Variants in FAF1 observed in about 807,000 individuals in gnomAD.
FAF1 encodes FAS-associated factor 1.
A neutral mutation model predicts 92.5 loss-of-function variants in FAF1; 25 were observed. The observed-to-expected ratio is 0.27, with a 90% CI of 0.20 to 0.38. The LOEUF is 0.38. FAF1 is among the 10% of genes least tolerant of loss of function. The pLI is 1.00. For missense variants in FAF1, 636 were observed against 793.3 expected (o/e 0.80, Z 2.38); for synonymous variants, 234 against 273.2 (o/e 0.86, Z 1.42).
At chr1:50,493,034 C>CT (rs527436973) in intron 15 of FAF1, among the ~76,000 whole-genome samples, 6,910 of 137,922 alleles carry the variant, frequency 0.05, 545 homozygotes, top group African/African-American at 0.17. Flanking sequence ...GATTAAACTT[C>CT]TTTTTTTTTT....
chr1:50,481,162 A>T (rs1387744020), intron 17 of FAF1, among the ~76,000 whole-genome samples: 1 of 152,208 alleles, frequency 6.6e-6, no homozygotes, highest in East Asian at 1.9e-4. Flanking sequence ...AAAGTAAAAA[A>T]GTTATAGTAA....
At chr1:50,879,938 A>G (rs1042794777) in intron 1 of FAF1, among the ~76,000 whole-genome samples, 3 of 152,234 alleles carry the variant, frequency 2.0e-5, no homozygotes, top group African/African-American at 4.8e-5. Context: ...GAGAACTCCA[A>G]TTCAAATTTC....
chr1:50,915,370 C>CAA (rs1157402147), intron 1 of FAF1, among the ~76,000 whole-genome samples: 1 of 71,688 alleles, frequency 1.4e-5, no homozygotes, highest in African/African-American at 5.0e-5. Context: ...AACTCCATCT[C>CAA]AAAAAAAAAA....
At chr1:50,904,717 T>C (rs1644821555) in intron 1 of FAF1, among the ~76,000 whole-genome samples, 1 of 152,168 alleles carries the variant, frequency 6.6e-6, no homozygotes, top group Non-Finnish European at 1.5e-5. Flanking sequence ...ATATTACTAA[T>C]GGTCCTAAAT....
At chr1:50,785,132 C>CAAAA (rs748061344) in intron 4 of FAF1, among the ~76,000 whole-genome samples, 26 of 59,084 alleles carry the variant, frequency 4.4e-4, no homozygotes, top group East Asian at 1.8e-3. Context: ...GACCCTATCT[C>CAAAA]AAAAAAAAAA....
intron 6 of FAF1, among the ~76,000 whole-genome samples, chr1:50,712,384 G>T (rs955867027): frequency 6.6e-6 from 1 of 152,184 alleles, no homozygotes; most frequent in South Asian, 2.1e-4. Context: ...TGCTGGGCTT[G>T]GTAGCTCACA....
intron 13 of FAF1, among the ~76,000 whole-genome samples, chr1:50,549,064 A>G (rs1194884161): frequency 6.6e-6 from 1 of 152,226 alleles, no homozygotes; most frequent in African/African-American, 2.4e-5. Flanking sequence ...GTTTCCTAAA[A>G]TAAGTTATAG....
chr1:50,535,587 A>G (rs1648433243), intron 14 of FAF1, 130 bp from the exon 15 acceptor site: 1 of 551,416 alleles, frequency 1.8e-6, no homozygotes, highest in South Asian at 3.0e-5. Flanking sequence ...AAAAAATTAC[A>G]GTTAAAATAC....
chr1:50,952,439 G>C (rs2124763958), intron 1 of FAF1, among the ~76,000 whole-genome samples: 1 of 152,340 alleles, frequency 6.6e-6, no homozygotes, highest in Middle Eastern at 3.4e-3. Context: ...GAGTGCAGTG[G>C]CGTGATCTCG....
At chr1:50,823,217 T>G (rs1274372214) in intron 2 of FAF1, among the ~76,000 whole-genome samples, 1 of 152,236 alleles carries the variant, frequency 6.6e-6, no homozygotes, top group African/African-American at 2.4e-5. Context: ...CTCTTCCTTG[T>G]TAACAGCAAC....
At chr1:50,827,988 G>C (rs895870682) in intron 2 of FAF1, among the ~76,000 whole-genome samples, 1 of 152,152 alleles carries the variant, frequency 6.6e-6, no homozygotes, top group South Asian at 2.1e-4. Flanking sequence ...TATTTTTTGA[G>C]GAAATTGATA....
At chr1:50,626,442 A>G (rs1417272080) in intron 8 of FAF1, among the ~76,000 whole-genome samples, 1 of 152,208 alleles carries the variant, frequency 6.6e-6, no homozygotes, top group Non-Finnish European at 1.5e-5. Flanking sequence ...AGTTGAAAGA[A>G]TAAGAATTAT....
intron 18 of FAF1, among the ~76,000 whole-genome samples, chr1:50,461,140 G>T (rs1417718578): frequency 6.6e-6 from 1 of 152,088 alleles, no homozygotes; most frequent in Non-Finnish European, 1.5e-5. Context: ...TGTGAATAAT[G>T]GGAATCAACT....
intron 18 of FAF1, among the ~76,000 whole-genome samples, chr1:50,474,417 T>C (rs183636480): frequency 6.6e-6 from 1 of 152,104 alleles, no homozygotes; most frequent in Admixed American, 6.5e-5. Flanking sequence ...GTTTTTTTTT[T>C]AAATTTTTTA....
At chr1:50,608,448 C>T (rs773092434) in intron 8 of FAF1, among the ~76,000 whole-genome samples, 2 of 152,206 alleles carry the variant, frequency 1.3e-5, no homozygotes, top group Non-Finnish European at 2.9e-5. Flanking sequence ...GATCAAAACT[C>T]TGTCATCCTA....
intron 4 of FAF1, among the ~76,000 whole-genome samples, chr1:50,758,916 C>G (rs1317269923): frequency 1.3e-5 from 2 of 151,942 alleles, no homozygotes; most frequent in Admixed American, 1.3e-4. Flanking sequence ...GATCTCGGCT[C>G]TCTGCAAGCT....
At chr1:50,453,806 G>C (rs1332025357) in intron 18 of FAF1, among the ~76,000 whole-genome samples, 1 of 152,198 alleles carries the variant, frequency 6.6e-6, no homozygotes, top group Non-Finnish European at 1.5e-5. Context: ...TACCTGGCCA[G>C]CCTTTTCTTC....
intron 7 of FAF1, among the ~76,000 whole-genome samples, chr1:50,705,287 TTC>T (rs1226198350): frequency 1.3e-5 from 2 of 152,202 alleles, no homozygotes; most frequent in Non-Finnish European, 2.9e-5. Flanking sequence ...AAATAGACTC[TTC>T]TCATATTCTA....
At chr1:50,511,805 T>G (rs1647138163) in intron 15 of FAF1, among the ~76,000 whole-genome samples, 1 of 152,216 alleles carries the variant, frequency 6.6e-6, no homozygotes, top group African/African-American at 2.4e-5. Flanking sequence ...TTCTAGATCC[T>G]TGAGGAATCG....
Sources: gnomAD v4.1 joint callset for allele counts (sites outside exome capture counted in the v4.1 genomes callset) on GRCh38, gnomAD v4.1.1 for gene constraint, MANE v1.5 for transcripts, NCBI Gene and HGNC (gene_info 2026-07-23, HGNC 2026-07-21) for gene names.